Variants in DPH6 observed in about 807,000 individuals in gnomAD.
DPH6 encodes diphthamine biosynthesis 6.
Under a neutral mutation model 38.2 loss-of-function variants are expected in DPH6, and 33 were observed. That is an observed-to-expected ratio of 0.86 (90% CI 0.65 to 1.15). The LOEUF is 1.15. Among genes scored for constraint, DPH6 ranks in the 50% most tolerant of loss-of-function variants. The pLI is 0.00. For missense variants in DPH6, 325 were observed against 320.0 expected, an observed-to-expected ratio of 1.02 and a Z score of -0.12; for synonymous variants, 108 against 103.0, an observed-to-expected ratio of 1.05 and a Z score of -0.30.
intron 3 of DPH6, among the ~76,000 whole-genome samples, chr15:35,283,268 TCTTC>T (rs1036475106): frequency 2.2e-4 from 33 of 150,508 alleles, no homozygotes; most frequent in African/African-American, 8.2e-4. Flanking sequence ...TCTTCTTCTT[TCTTC>T]CTCTTCCTCT....
chr15:35,447,691 T>G (rs1236415723), intron 5 of DPH6, among the ~76,000 whole-genome samples: 1 of 152,146 alleles, frequency 6.6e-6, no homozygotes, highest in Non-Finnish European at 1.5e-5. Flanking sequence ...TTTAAGAATA[T>G]GCACTGTCAA....
At chr15:35,147,513 A>T in the DPH6 span, among the ~76,000 whole-genome samples, 2 of 152,218 alleles carry the variant, frequency 1.3e-5, no homozygotes, top group African/African-American at 4.8e-5. Flanking sequence ...GGAGTCATTC[A>T]GATGAGTTTT....
At position 35,371,619 on chromosome 15, in the gene DPH6, G is replaced by C; in HGVS notation, c.*531C>G. The C allele has an allele frequency of 1.0e-6, 1 of 983,558 alleles. No homozygotes were observed. The highest frequency in any genetic ancestry group is 1.2e-6 in the Non-Finnish European group (1 of 828,364). 60.9% of individuals were successfully genotyped at this position (983,558 alleles called of 1,614,324 possible). On this transcript the variant is annotated 3_prime_UTR_variant, in exon 9 of 9. Transcript: ENST00000256538. The stretch of plus-strand genomic sequence containing the variant: ...ATCAGTTATAAAATAACTTGTAAGA[G>C]TTAAGGACATTCTTCCTAATTGTCC...
At chr15:35,189,810 A>C in the DPH6 span, among the ~76,000 whole-genome samples, 1 of 152,198 alleles carries the variant, frequency 6.6e-6, no homozygotes, top group East Asian at 1.9e-4. Flanking sequence ...AGACTTAAAT[A>C]TCCTTTTTAC....
chr15:35,415,683 A>C (rs1420902264), intron 5 of DPH6, among the ~76,000 whole-genome samples: 2 of 152,038 alleles, frequency 1.3e-5, no homozygotes, highest in Admixed American at 6.6e-5. Context: ...ATACCTTGGT[A>C]AAAATTAGTT....
chr15:35,438,842 A>AT (rs752393940), intron 5 of DPH6, among the ~76,000 whole-genome samples: 11 of 152,320 alleles, frequency 7.2e-5, no homozygotes, highest in Admixed American at 5.2e-4. Flanking sequence ...TCAAAATGTA[A>AT]TTTTTTACCT....
the DPH6 span, among the ~76,000 whole-genome samples, chr15:35,151,847 C>T: frequency 3.3e-5 from 5 of 152,200 alleles, no homozygotes; most frequent in East Asian, 1.9e-4. Flanking sequence ...CGACGCAGAA[C>T]GAAATGCTCA....
intron 3 of DPH6, chr15:35,521,571 G>C: frequency 8.2e-7 from 1 of 1,226,630 alleles, no homozygotes; most frequent in Non-Finnish European, 1.0e-6. Context: ...TGAACTGTGA[G>C]AAAATGTATT....
chr15:35,407,215 G>A (rs2053305732), intron 6 of DPH6, among the ~76,000 whole-genome samples: 1 of 151,702 alleles, frequency 6.6e-6, no homozygotes, highest in African/African-American at 2.4e-5. Context: ...TGGTCCCTCG[G>A]AGCGGAAATT....
At chr15:35,517,677 A>G (rs2054865729) in intron 3 of DPH6, among the ~76,000 whole-genome samples, 1 of 152,118 alleles carries the variant, frequency 6.6e-6, no homozygotes, top group Non-Finnish European at 1.5e-5. Flanking sequence ...GTGGTTTATT[A>G]TAATATTACA....
chr15:35,275,713 T>TA (rs56006226), intron 3 of DPH6, among the ~76,000 whole-genome samples: 37,501 of 141,826 alleles, frequency 0.26, 4,683 homozygotes, highest in South Asian at 0.37. Flanking sequence ...GACCTTAAAG[T>TA]AAAAAAAAAA....
At chr15:35,457,609 A>C (rs1421140468) in intron 3 of DPH6, among the ~76,000 whole-genome samples, 1 of 152,114 alleles carries the variant, frequency 6.6e-6, no homozygotes, top group Admixed American at 6.5e-5. Flanking sequence ...AATAACTGTA[A>C]TTACTACTGC....
rs573975871 is a variant in DPH6, at chr15:35,237,636, G to A, written n.201-17054C>T. The A allele has an allele frequency of 6.1e-5, 98 of 1,612,014 alleles. No homozygotes were observed. In the African/African-American group the frequency reaches 1.1e-3, roughly 19 times the overall value. ...TGTGGCAACAAAATTAAAGACCTCA[G>A]CACAACAGAGCCACTGAAAAACTTA... On this transcript the variant is annotated intron_variant and non_coding_transcript_variant, in intron 3 of 3. Transcript: ENST00000560386.
At chr15:35,168,342 A>C in the DPH6 span, among the ~76,000 whole-genome samples, 1 of 152,036 alleles carries the variant, frequency 6.6e-6, no homozygotes, top group African/African-American at 2.4e-5. Flanking sequence ...TTAATCATAA[A>C]CTTTATAAAA....
At chr15:35,450,456 T>TA (rs1170382391) in intron 5 of DPH6, among the ~76,000 whole-genome samples, 7,897 of 125,216 alleles carry the variant, frequency 0.063, 611 homozygotes, top group African/African-American at 0.19. Flanking sequence ...TGTTATATGT[T>TA]AAAAAAAAAA....
At chr15:35,159,037 T>C in the DPH6 span, among the ~76,000 whole-genome samples, 6 of 152,260 alleles carry the variant, frequency 3.9e-5, no homozygotes, top group Admixed American at 6.5e-5. Flanking sequence ...TATATTTATA[T>C]AGTCGATGTA....
chr15:35,536,790 A>C (rs2055176140), intron 3 of DPH6, among the ~76,000 whole-genome samples: 1 of 152,070 alleles, frequency 6.6e-6, no homozygotes, highest in Admixed American at 6.6e-5. Context: ...ATTTACACTC[A>C]GTAGTTCACA....
intron 3 of DPH6, among the ~76,000 whole-genome samples, chr15:35,337,930 GA>G (rs2140872910): frequency 6.6e-6 from 1 of 152,072 alleles, no homozygotes; most frequent in African/African-American, 2.4e-5. Flanking sequence ...AAGCAATGGG[GA>G]AAGGATTCCC....
At chr15:35,514,560 T>C (rs2054819185) in intron 3 of DPH6, among the ~76,000 whole-genome samples, 1 of 152,156 alleles carries the variant, frequency 6.6e-6, no homozygotes, top group Non-Finnish European at 1.5e-5. Flanking sequence ...CAGGATACAT[T>C]GAATTGGAAG....
Sources: gnomAD v4.1 joint callset for allele counts (sites outside exome capture counted in the v4.1 genomes callset) on GRCh38, gnomAD v4.1.1 for gene constraint, MANE v1.5 for transcripts, NCBI Gene and HGNC (gene_info 2026-07-23, HGNC 2026-07-21) for gene names.